IMMP2L: variants seen among roughly 807,000 people sequenced by gnomAD.
IMMP2L encodes inner mitochondrial membrane peptidase subunit 2.
IMMP2L carries 18 observed loss-of-function variants against 19.3 expected under a neutral mutation model. The ratio of observed to expected loss-of-function variants is 0.93; its 90% confidence interval spans 0.64 to 1.38. The LOEUF (loss-of-function observed/expected upper bound fraction) is 1.38. IMMP2L is among the 40% of genes most tolerant of loss of function. The pLI, the probability that IMMP2L is intolerant of heterozygous loss-of-function variation, is 0.00. For missense variants in IMMP2L, 233 were observed against 218.2 expected, an observed-to-expected ratio of 1.07 and a Z score of -0.43; for synonymous variants, 76 against 73.0, an observed-to-expected ratio of 1.04 and a Z score of -0.21.
intron 3 of IMMP2L, among the ~76,000 whole-genome samples, chr7:111,170,817 A>T (rs1806353679): frequency 1.3e-5 from 2 of 151,788 alleles, no homozygotes; most frequent in Non-Finnish European, 2.9e-5. Flanking sequence ...ACTGCATAGT[A>T]GTAAAGCCTA....
chr7:110,860,417 G>A (rs1807277260), intron 5 of IMMP2L, among the ~76,000 whole-genome samples: 1 of 151,924 alleles, frequency 6.6e-6, no homozygotes, highest in African/African-American at 2.4e-5. Context: ...CATGTTGATG[G>A]TAATACCTTT....
At chr7:110,864,289 A>C (rs927700723) in intron 5 of IMMP2L, among the ~76,000 whole-genome samples, 1 of 152,076 alleles carries the variant, frequency 6.6e-6, no homozygotes, top group African/African-American at 2.4e-5. Flanking sequence ...TATTTTTTAA[A>C]ACAACAGTAG....
intron 3 of IMMP2L, among the ~76,000 whole-genome samples, chr7:110,992,828 A>G (rs1385521805): frequency 6.6e-6 from 1 of 152,144 alleles, no homozygotes; most frequent in Non-Finnish European, 1.5e-5. Context: ...TGCCAGCTTC[A>G]TGGCAAATAA....
At chr7:110,667,716 A>C (rs1478615748) in intron 5 of IMMP2L, among the ~76,000 whole-genome samples, 2 of 152,346 alleles carry the variant, frequency 1.3e-5, no homozygotes, top group Admixed American at 6.5e-5. Context: ...CCCTGCTGAC[A>C]TCTTAACTTT....
At chr7:110,725,145 T>C (rs1795810287) in intron 5 of IMMP2L, among the ~76,000 whole-genome samples, 2 of 152,136 alleles carry the variant, frequency 1.3e-5, no homozygotes, top group Non-Finnish European at 2.9e-5. Context: ...AGAGTTCACC[T>C]TATCACTGAC....
At position 110,684,481 on chromosome 7, in the gene IMMP2L, T is replaced by C. The variant is rs189052207; in HGVS notation, c.409-20760A>G. 1.4e-3 allele frequency among the ~76,000 whole-genome samples: 217 copies of C among 152,130 alleles called. 2 individuals are homozygous for C. The Middle Eastern group carries it at 0.024, about 17-fold the overall frequency. ...CTGACTCAGATAGTTCAGTGCTAGC[T>C]CTAATTTGTAAATTTTCTTAATTTA... On this transcript the variant is annotated intron_variant, in intron 5 of 5. Coordinates refer to ENST00000405709, the MANE Select transcript of IMMP2L (RefSeq NM_032549.4).
chr7:111,469,226 T>G, intron 3 of IMMP2L, among the ~76,000 whole-genome samples: 1 of 152,170 alleles, frequency 6.6e-6, no homozygotes, highest in Non-Finnish European at 1.5e-5. Flanking sequence ...TAGGATTGAC[T>G]TGGCGATGCG....
At chr7:111,341,151 A>AATTGG (rs1826970738) in intron 3 of IMMP2L, among the ~76,000 whole-genome samples, 1 of 152,168 alleles carries the variant, frequency 6.6e-6, no homozygotes, top group African/African-American at 2.4e-5. Flanking sequence ...TATTGAGAAT[A>AATTGG]ATTGGATTCT....
intron 3 of IMMP2L, among the ~76,000 whole-genome samples, chr7:111,352,668 T>C (rs1828291804): frequency 6.6e-6 from 1 of 152,128 alleles, no homozygotes; most frequent in African/African-American, 2.4e-5. Flanking sequence ...TGACTTCTCA[T>C]CCTTCTCTTC....
At chr7:110,732,750 G>C (rs1234234231) in intron 5 of IMMP2L, among the ~76,000 whole-genome samples, 1 of 151,684 alleles carries the variant, frequency 6.6e-6, no homozygotes, top group Non-Finnish European at 1.5e-5. Flanking sequence ...TGTGGTAAAA[G>C]TTGATGAATG....
rs540995450 is a variant in IMMP2L at position 111,392,530 on chromosome 7, C to T, written c.239+94708G>A. On this transcript the variant is annotated intron_variant, in intron 3 of 5. Transcript: ENST00000405709. ...ATGCTTGAGCTGTGTTTACTCAAGC[C>T]ACCTCTGACATCAAGTGAGAAGTGT... Among the ~76,000 whole-genome samples the T allele has an allele frequency of 8.5e-5, 13 of 152,242 alleles. No individual in the cohort carries two copies. The South Asian group carries it at 2.1e-3, about 24-fold the overall frequency.
At chr7:110,965,017 G>A (rs907157795) in intron 3 of IMMP2L, among the ~76,000 whole-genome samples, 1 of 151,982 alleles carries the variant, frequency 6.6e-6, no homozygotes, top group Non-Finnish European at 1.5e-5. Context: ...AGATGCTTCT[G>A]GTTTCCTCAC....
chr7:110,994,255 T>C (rs1822804348), intron 3 of IMMP2L, among the ~76,000 whole-genome samples: 1 of 152,020 alleles, frequency 6.6e-6, no homozygotes, highest in Non-Finnish European at 1.5e-5. Flanking sequence ...ACACAAGCCA[T>C]AAGAACTTGG....
At chr7:110,905,769 A>G (rs1183823338) in intron 4 of IMMP2L, among the ~76,000 whole-genome samples, 1 of 152,174 alleles carries the variant, frequency 6.6e-6, no homozygotes, top group Non-Finnish European at 1.5e-5. Flanking sequence ...AAAACAATAC[A>G]AACTGATAGT....
chr7:110,669,077 GTGTGTGTGTGTGTATA>G (rs1791693872), intron 5 of IMMP2L, among the ~76,000 whole-genome samples: 7 of 93,306 alleles, frequency 7.5e-5, no homozygotes, highest in African/African-American at 3.6e-4. Flanking sequence ...GTGTGTGTGT[GTGTGTGTGTGTGTATA>G]TGTATATATA....
At chr7:111,499,409 C>T (rs1395459597) in intron 2 of IMMP2L, among the ~76,000 whole-genome samples, 2 of 152,186 alleles carry the variant, frequency 1.3e-5, no homozygotes, top group East Asian at 1.9e-4. Flanking sequence ...TCCTAAGAGC[C>T]CCAAGGTCTC....
chr7:111,503,859 A>G (rs1228469692), intron 2 of IMMP2L, among the ~76,000 whole-genome samples: 4 of 152,146 alleles, frequency 2.6e-5, no homozygotes, highest in Non-Finnish European at 5.9e-5. Context: ...CCCACAGCCA[A>G]TATCATACTG....
intron 3 of IMMP2L, among the ~76,000 whole-genome samples, chr7:111,049,018 C>A (rs935630182): frequency 2.0e-5 from 3 of 151,726 alleles, no homozygotes; most frequent in African/African-American, 7.3e-5. Context: ...AAATATATAC[C>A]ATTTTATCTG....
At chr7:111,545,143 T>C (rs1056798476) in intron 1 of IMMP2L, among the ~76,000 whole-genome samples, 3 of 152,078 alleles carry the variant, frequency 2.0e-5, no homozygotes, top group Admixed American at 2.0e-4. Context: ...TTTTAAATAT[T>C]AATTTTTTTT....
Sources: gnomAD v4.1 joint callset for allele counts (sites outside exome capture counted in the v4.1 genomes callset) on GRCh38, gnomAD v4.1.1 for gene constraint, MANE v1.5 for transcripts, NCBI Gene and HGNC (gene_info 2026-07-23, HGNC 2026-07-21) for gene names.